FGF9: variants seen among roughly 807,000 people sequenced by gnomAD.
The protein encoded by FGF9 is fibroblast growth factor 9, also known as fibroblast growth factor 9 (glia-activating factor).
FGF9 carries 3 observed loss-of-function variants against 19.9 expected under a neutral mutation model. The observed-to-expected ratio is 0.15, with a 90% CI of 0.07 to 0.39. The LOEUF (loss-of-function observed/expected upper bound fraction) is 0.39, where lower values mean the gene tolerates loss of function less well. Ranked by LOEUF, FGF9 falls within the 10% of genes least tolerant of loss-of-function variation. FGF9 has a pLI of 1.00. For missense variants in FGF9, 175 were observed against 256.8 expected (o/e 0.68, Z 2.18); for synonymous variants, 107 against 106.9 (o/e 1.00, Z -0.01).
chr13:21,690,092 C>T (rs1872251326), intron 2 of FGF9, among the ~76,000 whole-genome samples: 1 of 152,200 alleles, frequency 6.6e-6, no homozygotes, highest in South Asian at 2.1e-4. Flanking sequence ...CGTAGTCTCT[C>T]TGGGTTCCCT....
At chr13:21,682,929 A>G (rs1329156205) in intron 2 of FGF9, among the ~76,000 whole-genome samples, 1 of 152,172 alleles carries the variant, frequency 6.6e-6, no homozygotes, top group Non-Finnish European at 1.5e-5. Flanking sequence ...TAATTTGAGT[A>G]TGCATCTCAA....
chr13:21,676,162 A>G lies in FGF9; in HGVS notation c.277+3973A>G, dbSNP rs559695195. Among the ~76,000 whole-genome samples, 9 of 152,324 alleles carry G rather than the reference A, an allele frequency of 5.9e-5. No homozygotes were observed. In the East Asian group the frequency reaches 9.6e-4, roughly 16 times the overall value. On this transcript the variant is annotated intron_variant, in intron 1 of 2. Transcript: ENST00000382353. ...AATAGTAATGTAAAATAATAAAAAC[A>G]TGAACGCTGGGCCTGATCTGCTATT...
chr13:21,701,490 A>T lies in FGF9; in HGVS notation c.*55A>T, dbSNP rs951780456. 3 of 1,612,880 alleles carry T rather than the reference A, an allele frequency of 1.9e-6. No homozygotes were observed. Among genetic ancestry groups the T allele is most frequent in the African/African-American group, 2.7e-5 (2 of 75,040 alleles). ...AAAAAGTAACCACTATAAAGGTTTC[A>T]CGCGGTGGGTTCTTATTGATTCGCT... is the stretch of plus-strand genomic sequence containing the variant. On this transcript the variant is annotated 3_prime_UTR_variant, in exon 3 of 3. Transcript: ENST00000382353.
intron 2 of FGF9, among the ~76,000 whole-genome samples, chr13:21,690,182 C>A (rs957485097): frequency 1.3e-4 from 20 of 152,192 alleles, no homozygotes; most frequent in Admixed American, 1.3e-3. Context: ...CATTCGCACA[C>A]TCGCTCACAC....
rs919238451 is a variant in FGF9, at chr13:21,691,138, C to T, written c.381+9993C>T. ...TAGGAGACTTTATAGAACTTAACTA[C>T]CTCAAATAAGGAGAATCAGCTGTAC... On this transcript the variant is annotated intron_variant, in intron 2 of 2. Coordinates refer to ENST00000382353, the MANE Select transcript of FGF9 (RefSeq NM_002010.3). This position sits in a 1 kb window ranked among gnomAD's most constrained non-coding sequence, Gnocchi z 4.2. Among the ~76,000 whole-genome samples the T allele has an allele frequency of 1.3e-5, 2 of 152,198 alleles. No homozygotes were observed. Among genetic ancestry groups the T allele is most frequent in the African/African-American group, 4.8e-5 (2 of 41,436 alleles).
At chr13:21,701,077 A>T in intron 2 of FGF9, 113 bp from the exon 3 acceptor site, 1 of 796,544 alleles carries the variant, frequency 1.3e-6, no homozygotes, top group Non-Finnish European at 2.1e-6. Flanking sequence ...TTTGTTAAAT[A>T]GATAAACGTG....
rs906230053 is a variant in FGF9 at position 21,702,300 on chromosome 13, C to A, written c.*865C>A. On this transcript the variant is annotated 3_prime_UTR_variant, in exon 3 of 3. Transcript: ENST00000382353. ...CATATTATTGTAAACTTATGCACATCGCTCATGACACTGAGTATTCACTCT... is the reference window on the plus strand; with the variant it reads ...CATATTATTGTAAACTTATGCACATAGCTCATGACACTGAGTATTCACTCT... 2 of 152,162 alleles carry A rather than the reference C, an allele frequency of 1.3e-5. No homozygotes were observed. Among genetic ancestry groups the A allele is most frequent in the Non-Finnish European group, 2.9e-5 (2 of 68,028 alleles). The allele number at this position is 152,162 out of a possible 1,614,324, so 9.4% of individuals were successfully genotyped here. A position where few individuals can be genotyped will look rare whatever the true frequency, so the allele number is the denominator to read the frequency against.
rs1309507502 is a variant in FGF9, at chr13:21,691,739, A to G, written c.382-9451A>G. Among the ~76,000 whole-genome samples the G allele has an allele frequency of 1.3e-5, 2 of 152,122 alleles. No homozygotes were observed. The highest frequency in any genetic ancestry group is 4.8e-5 in the African/African-American group (2 of 41,422). On this transcript the variant is annotated intron_variant, in intron 2 of 2. Coordinates refer to ENST00000382353, the MANE Select transcript of FGF9 (RefSeq NM_002010.3). The surrounding 1 kb of genome is among the most constrained non-coding windows in gnomAD (Gnocchi z 4.2). ...TCACCCCTCCCGACTCCCCCTCACC[A>G]GGGACTGACTTGAACTTGGTCAGAA...
rs139857618 is a variant in FGF9 at position 21,681,043 on chromosome 13, C to A, written c.279C>A (p.Gly93=). The change falls in exon 2 of 3, where the codon GGC becomes GGA. Residue 93 remains glycine, a splice_region_variant and synonymous_variant. Coordinates refer to ENST00000382353, the MANE Select transcript of FGF9 (RefSeq NM_002010.3). ...QGTRKDHSRF[G]ILEFISIAVG... ...CTGCCTTCTACCCTTTGTCTACAGG[C>A]ATTCTGGAATTTATCAGTATAGCAG... The A allele has an allele frequency of 3.4e-5, 54 of 1,610,800 alleles. No homozygotes were observed. In the African/African-American group the frequency reaches 6.3e-4, roughly 19 times the overall value.
At chr13:21,698,304 C>T (rs1272068183) in intron 2 of FGF9, among the ~76,000 whole-genome samples, 2 of 152,188 alleles carry the variant, frequency 1.3e-5, no homozygotes, top group East Asian at 3.8e-4. Flanking sequence ...TGTATTTTAA[C>T]TGGAAAAGCT....
chr13:21,701,668 G>T lies in FGF9; in HGVS notation c.*233G>T. 1.9e-6 allele frequency: 1 copy of T among 535,024 alleles called. No homozygotes were observed. Among genetic ancestry groups the T allele is most frequent in the East Asian group, 3.4e-5 (1 of 29,008 alleles). The allele number at this position is 535,024 out of a possible 1,614,324, so 33.1% of individuals were successfully genotyped here. ...GCCACTTGCTTGATTTATCATGAGA[G>T]AAGAGGAGAGAGAGAGAGACTGAGC... On this transcript the variant is annotated 3_prime_UTR_variant, in exon 3 of 3. Transcript: ENST00000382353.
chr13:21,672,101 G>A lies in FGF9; in HGVS notation c.189G>A (p.Arg63=). The change falls in exon 1 of 3, where the codon CGG becomes CGA. Residue 63 remains arginine (R), a synonymous_variant. Transcript: ENST00000382353. The surrounding 1 kb of genome is among the most constrained non-coding windows in gnomAD (Gnocchi z 4.2). ...DLDHLKGILR[R]RQLYCRTGFH... ...ATCATTTAAAGGGGATTCTCAGGCG[G>A]AGGCAGCTATACTGCAGGACTGGAT... 6.2e-7 allele frequency: 1 copy of A among 1,614,226 alleles called. No homozygotes were observed. The highest frequency in any genetic ancestry group is 8.5e-7 in the Non-Finnish European group (1 of 1,180,038).
chr13:21,697,886 A>G (rs1184099521), intron 2 of FGF9, among the ~76,000 whole-genome samples: 1 of 149,694 alleles, frequency 6.7e-6, no homozygotes, highest in Non-Finnish European at 1.5e-5. Context: ...GGCTCACTGC[A>G]AGCTCCGCCC....
intron 2 of FGF9, among the ~76,000 whole-genome samples, chr13:21,698,569 C>T (rs1872468688): frequency 6.6e-6 from 1 of 152,114 alleles, no homozygotes. Flanking sequence ...TAGGAGCAGG[C>T]TTCTCACTCC....
chr13:21,693,188 G>A (rs926654760), intron 2 of FGF9, among the ~76,000 whole-genome samples: 17 of 152,212 alleles, frequency 1.1e-4, no homozygotes, highest in African/African-American at 4.1e-4. Flanking sequence ...CAGTGTTGAG[G>A]AGGGGAAGGG....
At chr13:21,675,230 G>C (rs970675498) in intron 1 of FGF9, among the ~76,000 whole-genome samples, 1 of 152,112 alleles carries the variant, frequency 6.6e-6, no homozygotes, top group Non-Finnish European at 1.5e-5. Flanking sequence ...GTGCGCAGTG[G>C]GGGTGGGGAA....
intron 1 of FGF9, among the ~76,000 whole-genome samples, chr13:21,678,660 A>T (rs1433187976): frequency 6.6e-6 from 1 of 152,202 alleles, no homozygotes; most frequent in Admixed American, 6.5e-5. Context: ...AATATTCATT[A>T]TTAGTCCTCA....
At chr13:21,682,804 A>G (rs1339787667) in intron 2 of FGF9, among the ~76,000 whole-genome samples, 1 of 148,744 alleles carries the variant, frequency 6.7e-6, no homozygotes, top group Non-Finnish European at 1.5e-5. Flanking sequence ...TCTGACTTTT[A>G]GTGTGTAGAT....
intron 1 of FGF9, among the ~76,000 whole-genome samples, chr13:21,677,890 G>T (rs1031725860): frequency 6.6e-6 from 1 of 152,124 alleles, no homozygotes; most frequent in Non-Finnish European, 1.5e-5. Flanking sequence ...CTTATCTCAG[G>T]TATTTATTTT....
Sources: gnomAD v4.1 joint callset for allele counts (sites outside exome capture counted in the v4.1 genomes callset) on GRCh38, gnomAD v4.1.1 for gene constraint, Gnocchi (gnomAD v3.1) non-coding constraint, MANE v1.5 for transcripts, NCBI Gene and HGNC (gene_info 2026-07-23, HGNC 2026-07-21) for gene names.